Variants in KLHDC1 observed in about 807,000 individuals in gnomAD.
KLHDC1 encodes the protein kelch domain-containing protein 1.
KLHDC1 carries 53 observed loss-of-function variants against 68.3 expected under a neutral mutation model. The ratio of observed to expected loss-of-function variants is 0.78; its 90% confidence interval spans 0.62 to 0.98. The LOEUF is 0.98. Among genes scored for constraint, KLHDC1 ranks in the 50% least tolerant of loss-of-function variants. KLHDC1 has a pLI of 0.00. For missense variants in KLHDC1, 470 were observed against 492.3 expected (o/e 0.95, Z 0.43); for synonymous variants, 148 against 159.0 (o/e 0.93, Z 0.52).
Position 49,751,592 on chromosome 14 carries a change from C to T in KLHDC1, c.1041C>T (p.Cys347=). ...QTQPYSLLRS[C]LDCIGKNSIM... ...TGTTATGTTTTATTTACAGGTCATG[C>T]CTTGACTGCATTGGTAAAAATTCTA... is the stretch of plus-strand genomic sequence containing the variant. Residue 347 remains cysteine, a synonymous_variant, in exon 13 of 13, where the codon TGC becomes TGT. Transcript: ENST00000359332. 1 of 1,531,926 alleles carries T rather than the reference C, an allele frequency of 6.5e-7. No individual in the cohort carries two copies. The highest frequency in any genetic ancestry group is 1.3e-5 in the South Asian group (1 of 79,610). The allele number at this position is 1,531,926 out of a possible 1,614,324, so 94.9% of individuals were successfully genotyped here.
At chr14:49,704,276 T>A (rs1158770630) in intron 1 of KLHDC1, among the ~76,000 whole-genome samples, 1 of 152,150 alleles carries the variant, frequency 6.6e-6, no homozygotes, top group Non-Finnish European at 1.5e-5. Context: ...CATTTTTCTG[T>A]TGGATTATTT....
Position 49,693,212 on chromosome 14 carries a change from G to A in KLHDC1, c.18G>A (p.Leu6=). The change falls in exon 1 of 13, where the codon CTG becomes CTA. Residue 6 remains leucine, a synonymous_variant. Transcript: ENST00000359332. ...CGGCGCGAATGGCGGACTCTCAGCT[G>A]TTCTGTGTGGCGGAGGAACGCAGCG... MADSQ[L]FCVAEERSGH... 1 of 1,581,342 alleles carries A rather than the reference G, an allele frequency of 6.3e-7. No individual in the cohort carries two copies. Among genetic ancestry groups the A allele is most frequent in the Non-Finnish European group, 8.6e-7 (1 of 1,165,564 alleles).
intron 4 of KLHDC1, among the ~76,000 whole-genome samples, chr14:49,713,846 A>ATTTTTTTTT (rs1888294188): frequency 2.0e-5 from 1 of 49,702 alleles, no homozygotes; most frequent in Non-Finnish European, 3.3e-5. Flanking sequence ...ATATATATAT[A>ATTTTTTTTT]TATATTTTTT....
intron 12 of KLHDC1, among the ~76,000 whole-genome samples, chr14:49,746,187 G>A (rs1450623126): frequency 1.3e-5 from 2 of 152,176 alleles, no homozygotes; most frequent in Non-Finnish European, 2.9e-5. Context: ...TGGCATAAGG[G>A]TAGAAATGAT....
At chr14:49,722,588 A>G (rs577671322) in intron 4 of KLHDC1, among the ~76,000 whole-genome samples, 2 of 152,344 alleles carry the variant, frequency 1.3e-5, no homozygotes, top group African/African-American at 2.4e-5. Context: ...GCCAGGCGCC[A>G]TGGCTCAAGC....
At chr14:49,749,787 G>A (rs529294693) in intron 12 of KLHDC1, among the ~76,000 whole-genome samples, 3 of 152,250 alleles carry the variant, frequency 2.0e-5, no homozygotes, top group South Asian at 4.2e-4. Context: ...ATCAGGCTGG[G>A]CGCAGTGAGG....
chr14:49,717,588 T>C (rs1888413319), intron 4 of KLHDC1, among the ~76,000 whole-genome samples: 1 of 152,222 alleles, frequency 6.6e-6, no homozygotes, highest in African/African-American at 2.4e-5. Context: ...ACGGTAGTAC[T>C]TTATGTATTC....
At chr14:49,696,117 A>G (rs184465617) in intron 1 of KLHDC1, among the ~76,000 whole-genome samples, 8 of 151,368 alleles carry the variant, frequency 5.3e-5, no homozygotes, top group African/African-American at 4.8e-5. Context: ...TTCATCAGGT[A>G]TCTTAGCCAG....
intron 4 of KLHDC1, among the ~76,000 whole-genome samples, chr14:49,711,736 T>G (rs1888205924): frequency 6.6e-6 from 1 of 152,086 alleles, no homozygotes; most frequent in Non-Finnish European, 1.5e-5. Context: ...AAGGGTTTTC[T>G]TCATTGCTAA....
In KLHDC1 at chr14:49,732,790, G is replaced by C; in HGVS notation, c.797G>C (p.Gly266Ala). The C allele has an allele frequency of 6.3e-7, 1 of 1,579,466 alleles. No homozygotes were observed. Among genetic ancestry groups the C allele is most frequent in the Non-Finnish European group, 8.7e-7 (1 of 1,148,788 alleles). Residue 266 changes from glycine (G) to alanine (A), a missense_variant, in exon 9 of 13, where the codon GGA becomes GCA. Physicochemically the swap from Gly to Ala is moderately conservative, Grantham distance 60 (BLOSUM62 0). Coordinates refer to ENST00000359332, the MANE Select transcript of KLHDC1 (RefSeq NM_172193.3). The stretch of plus-strand genomic sequence containing the variant: ...GATGATAAACTTTTCCTATGTGGTG[G>C]ACTAAGTGCAGATAATATCCCATTA... ...IADDKLFLCG[G>A]LSADNIPLSD...
intron 4 of KLHDC1, among the ~76,000 whole-genome samples, chr14:49,711,287 C>T (rs1189730948): frequency 6.6e-6 from 1 of 151,864 alleles, no homozygotes; most frequent in Non-Finnish European, 1.5e-5. Context: ...CTGCAACCTC[C>T]ACCTCCCAGG....
intron 1 of KLHDC1, among the ~76,000 whole-genome samples, chr14:49,695,958 G>C (rs557356851): frequency 1.1e-3 from 164 of 151,540 alleles, no homozygotes; most frequent in African/African-American, 3.8e-3. Flanking sequence ...CTCAGCTACT[G>C]GGGAGGCTGA....
rs1888278972 is a variant in KLHDC1, at chr14:49,713,817, TATATATATATATATATATATATA to T, written c.404+3437_404+3459del. 2.2e-3 allele frequency among the ~76,000 whole-genome samples: 6 copies of T among 2,754 alleles called. No individual in the cohort carries two copies. In the South Asian group the frequency reaches 0.05, roughly 23 times the overall value. 1.8% of individuals were successfully genotyped at this position (2,754 alleles called of 152,430 possible). On this transcript the variant is annotated intron_variant, in intron 4 of 12. Coordinates refer to ENST00000359332, the MANE Select transcript of KLHDC1 (RefSeq NM_172193.3). ...CAGGAGGTATATATATATATATATA[TATATATATATATATATATATATA>T]TATATATATATTTTTTTTTTTTTTT...
At chr14:49,720,646 TA>T (rs1888503470) in intron 4 of KLHDC1, among the ~76,000 whole-genome samples, 1 of 152,156 alleles carries the variant, frequency 6.6e-6, no homozygotes, top group African/African-American at 2.4e-5. Flanking sequence ...TATTATCAAA[TA>T]TTTCTTCTCC....
Position 49,698,695 on chromosome 14 carries a change from T to A in KLHDC1, c.96+5405T>A, listed in dbSNP as rs575492820. ...CACGCCCAGCTAGTTTTTGTATTTT[T>A]AGTAGAGACGGAGTTTTGCCATGTT... On this transcript the variant is annotated intron_variant, in intron 1 of 12. Transcript: ENST00000359332. 8.6e-5 allele frequency among the ~76,000 whole-genome samples: 13 copies of A among 151,256 alleles called. No homozygotes were observed. In the South Asian group the frequency reaches 2.7e-3, roughly 32 times the overall value.
intron 5 of KLHDC1, among the ~76,000 whole-genome samples, chr14:49,724,512 C>T (rs567422755): frequency 3.7e-4 from 56 of 151,572 alleles, no homozygotes; most frequent in Admixed American, 1.7e-3. Context: ...CTTCTACTAG[C>T]GTATATTATT....
intron 9 of KLHDC1, among the ~76,000 whole-genome samples, chr14:49,733,555 G>A (rs1888865737): frequency 6.6e-6 from 1 of 151,622 alleles, no homozygotes; most frequent in Admixed American, 6.6e-5. Context: ...AGGCACCTGA[G>A]TAGCTGGGAT....
In KLHDC1 at chr14:49,729,015, T is replaced by C; in HGVS notation, c.651+6T>C. The C allele has an allele frequency of 6.3e-7, 1 of 1,590,382 alleles. No homozygotes were observed. Among genetic ancestry groups the C allele is most frequent in the South Asian group, 1.1e-5 (1 of 90,480 alleles). Reference sequence around the variant, plus strand: ...TCTTTGGCGGACGTGTTCTGGTTAGTGTTTTTAATGGAAATGGTATTTTTA... The same window carrying C: ...TCTTTGGCGGACGTGTTCTGGTTAGCGTTTTTAATGGAAATGGTATTTTTA... On this transcript the variant is annotated splice_donor_region_variant and intron_variant, in intron 7 of 12. Transcript: ENST00000359332.
At chr14:49,695,221 G>A (rs968861464) in intron 1 of KLHDC1, among the ~76,000 whole-genome samples, 7 of 151,432 alleles carry the variant, frequency 4.6e-5, no homozygotes, top group Non-Finnish European at 8.8e-5. Context: ...CTCCTGAGTA[G>A]CTGGAATTAC....
Sources: allele counts gnomAD v4.1 joint callset (sites outside exome capture counted in the v4.1 genomes callset), GRCh38; gene constraint gnomAD v4.1.1; transcripts MANE v1.5; gene names NCBI Gene and HGNC (gene_info 2026-07-23, HGNC 2026-07-21).